NCKAP5L: variants seen among roughly 807,000 people sequenced by gnomAD.
The protein encoded by NCKAP5L is NCK associated protein 5 like, also known as nck-associated protein 5-like.
Under a neutral mutation model 103.2 loss-of-function variants are expected in NCKAP5L, and 54 were observed. The ratio of observed to expected loss-of-function variants is 0.52; its 90% CI spans 0.42 to 0.66. NCKAP5L has a LOEUF of 0.66. Among genes scored for constraint, NCKAP5L ranks in the 30% least tolerant of loss-of-function variants. The pLI, the probability that NCKAP5L is intolerant of heterozygous loss-of-function variation, is 0.00. For synonymous variants in NCKAP5L, 762 were observed against 748.6 expected (o/e 1.02, Z -0.29); for missense variants, 1,733 against 1,750.6 (o/e 0.99, Z 0.18).
Position 49,792,986 on chromosome 12 carries a change from G to A in NCKAP5L, c.3341C>T (p.Ala1114Val), listed in dbSNP as rs1248431021. 3.3e-6 allele frequency: 5 copies of A among 1,533,464 alleles called. No individual in the cohort carries two copies. The highest frequency in any genetic ancestry group is 4.4e-6 in the Non-Finnish European group (5 of 1,147,614). The allele number at this position is 1,533,464 out of a possible 1,614,324, so 95.0% of individuals were successfully genotyped here. The change falls in exon 11 of 13, where the codon GCC becomes GTC. Residue 1114 changes from alanine to valine, a missense_variant and splice_region_variant. Physicochemically the swap from Ala to Val is moderately conservative, Grantham distance 64. Transcript: ENST00000335999. This position sits in a 1 kb window ranked among gnomAD's most constrained non-coding sequence, Gnocchi z 4.5. The stretch of plus-strand genomic sequence containing the variant: ...CAAGGTTCGAGTCAAGGAGCCACAG[G>A]CTGGGGAGGGGAGGGGAGGGCCCGT... ...AEPVPTSHFT[A>V]CGSLTRTLDS...
rs765961789 is a variant in NCKAP5L, at chr12:49,795,335, G to A, written c.2525C>T (p.Pro842Leu). Residue 842 changes from proline to leucine, a missense_variant, in exon 8 of 13, where the codon CCT (proline) becomes CTT (leucine). By Grantham distance (98) the Pro-to-Leu change is moderately conservative. Transcript: ENST00000335999. The part of the protein sequence containing the change: ...APLVTKESPK[P>L]DKGKGPPWAD... Reference sequence around the variant, plus strand: ...CCAGGGAGGGCCCTTCCCTTTGTCAGGCTTGGGGGACTCCTTGGTGACTAG... The same window carrying A: ...CCAGGGAGGGCCCTTCCCTTTGTCAAGCTTGGGGGACTCCTTGGTGACTAG... 1.3e-6 allele frequency: 2 copies of A among 1,537,552 alleles called. No homozygotes were observed. Among genetic ancestry groups the A allele is most frequent in the Non-Finnish European group, 1.7e-6 (2 of 1,147,068 alleles).
chr12:49,818,286 T>C (rs1946322781), intron 1 of NCKAP5L, among the ~76,000 whole-genome samples: 2 of 152,110 alleles, frequency 1.3e-5, no homozygotes, highest in Non-Finnish European at 2.9e-5. Flanking sequence ...GGGGATTACA[T>C]CAAACTAAAA....
intron 8 of NCKAP5L, among the ~76,000 whole-genome samples, 154 bp downstream of exon 8, chr12:49,794,611 C>CCG (rs372434043): frequency 8.3e-6 from 1 of 120,026 alleles, no homozygotes; most frequent in East Asian, 2.3e-4. Flanking sequence ...ACTGACCCCC[C>CCG]CACCAGCTGC....
rs1945983434 is a variant in NCKAP5L at position 49,793,912 on chromosome 12, C to T, written c.3096-16G>A. ...GCCATCCACCCTATGGGCAACAGTGCAGATATAGGTGAGGGTGGTCTTGCC... is the reference window on the plus strand; with the variant it reads ...GCCATCCACCCTATGGGCAACAGTGTAGATATAGGTGAGGGTGGTCTTGCC... On this transcript the variant is annotated splice_polypyrimidine_tract_variant and intron_variant, in intron 8 of 12. Transcript: ENST00000335999. 4 of 1,491,940 alleles carry T rather than the reference C, an allele frequency of 2.7e-6. No individual in the cohort carries two copies. Among genetic ancestry groups the T allele is most frequent in the African/African-American group, 2.8e-5 (2 of 71,576 alleles). The allele number at this position is 1,491,940 out of a possible 1,614,324, so 92.4% of individuals were successfully genotyped here.
In NCKAP5L at chr12:49,792,213, T is replaced by G; in HGVS notation, c.3793-162A>C. 1 of 1,065,730 alleles carries G rather than the reference T, an allele frequency of 9.4e-7. No homozygotes were observed. Among genetic ancestry groups the G allele is most frequent in the Non-Finnish European group, 1.4e-6 (1 of 723,854 alleles). 66.0% of individuals were successfully genotyped at this position (1,065,730 alleles called of 1,614,324 possible). ...AGAGGAAACAGGCTGGAGGTACAAC[T>G]GAGAACAGTCCTACAAGGTTCTGGG... On this transcript the variant is annotated intron_variant, in intron 12 of 12. Transcript: ENST00000335999. This position sits in a 1 kb window ranked among gnomAD's most constrained non-coding sequence, Gnocchi z 4.5.
At chr12:49,803,058 T>A in intron 4 of NCKAP5L, 39 bp downstream of exon 4, 1 of 1,614,178 alleles carries the variant, frequency 6.2e-7, no homozygotes, top group Non-Finnish European at 8.5e-7. Context: ...CAGGAGCAGA[T>A]GAGCCACATC....
At chr12:49,827,802 C>T (rs34974127) in intron 1 of NCKAP5L, among the ~76,000 whole-genome samples, 1 of 152,210 alleles carries the variant, frequency 6.6e-6, no homozygotes, top group African/African-American at 2.4e-5. Context: ...CCCCGCCTTC[C>T]CCAGGCCCTA....
At chr12:49,816,707 G>T (rs1429069490) in intron 1 of NCKAP5L, among the ~76,000 whole-genome samples, 1 of 151,402 alleles carries the variant, frequency 6.6e-6, no homozygotes, top group Non-Finnish European at 1.5e-5. Context: ...TGAGGCAGAA[G>T]AATTGCTTGA....
At chr12:49,813,013 G>A (rs999100913) in intron 1 of NCKAP5L, among the ~76,000 whole-genome samples, 2 of 152,066 alleles carry the variant, frequency 1.3e-5, no homozygotes, top group Non-Finnish European at 2.9e-5. Flanking sequence ...AGTTGTTACT[G>A]TATTATTGTA....
chr12:49,807,634 G>GA (rs778590922), intron 1 of NCKAP5L, among the ~76,000 whole-genome samples: 15 of 151,874 alleles, frequency 9.9e-5, no homozygotes, highest in Non-Finnish European at 1.6e-4. Context: ...TACAGGCCTG[G>GA]AAAAAAAATG....
rs1365164495 is a variant in NCKAP5L, at chr12:49,796,059, G to A, written c.1801C>T (p.Pro601Ser). 5.7e-6 allele frequency: 9 copies of A among 1,578,412 alleles called. No individual in the cohort carries two copies. Among genetic ancestry groups the A allele is most frequent in the Non-Finnish European group, 7.7e-6 (9 of 1,164,982 alleles). The change falls in exon 8 of 13, where the codon CCT (proline) becomes TCT (serine). Residue 601 changes from proline to serine, a missense_variant. Transcript: ENST00000335999. ...VPQAPEVLRS[P>S]GVPPSPCLPE... ...AGGCAAGGACTGGGGGGTACTCCAG[G>A]GCTTCTGAGGACCTCAGGGGCCTGT...
intron 8 of NCKAP5L, among the ~76,000 whole-genome samples, chr12:49,794,326 G>A (rs1041489969): frequency 1.3e-5 from 2 of 152,204 alleles, no homozygotes; most frequent in East Asian, 1.9e-4. Context: ...GGCCCAGACA[G>A]AGCAACCCCA....
At chr12:49,819,815 C>T (rs982391003) in intron 1 of NCKAP5L, among the ~76,000 whole-genome samples, 3 of 152,186 alleles carry the variant, frequency 2.0e-5, no homozygotes, top group South Asian at 2.1e-4. Flanking sequence ...AAGCTGAAAC[C>T]GTTTTTCAGA....
Position 49,796,910 on chromosome 12 carries a change from A to C in NCKAP5L, c.950T>G (p.Leu317Arg). Residue 317 changes from leucine (L) to arginine (R), a missense_variant, in exon 8 of 13, where the codon CTG (leucine) becomes CGG (arginine). Physicochemically the swap from Leu to Arg is moderately radical, Grantham distance 102 (BLOSUM62 -2). Transcript: ENST00000335999. Reference sequence around the variant, plus strand: ...CTGTCTGCGGGCCAGGGCACCGAGCAGGGTGTCGGGGCTGGGTGCCTCATT... The same window carrying C: ...CTGTCTGCGGGCCAGGGCACCGAGCCGGGTGTCGGGGCTGGGTGCCTCATT... ...DPNEAPSPDTLLGALARRQLN... is the reference protein window; with the variant it reads ...DPNEAPSPDTRLGALARRQLN... 6.2e-7 allele frequency: 1 copy of C among 1,609,928 alleles called. No individual in the cohort carries two copies. Among genetic ancestry groups the C allele is most frequent in the Non-Finnish European group, 8.5e-7 (1 of 1,178,572 alleles).
chr12:49,809,264 G>C (rs1255998926), intron 1 of NCKAP5L, among the ~76,000 whole-genome samples: 4 of 152,188 alleles, frequency 2.6e-5, no homozygotes, highest in Admixed American at 1.3e-4. Flanking sequence ...GAAGGGGTCT[G>C]TGGCTCCTAC....
rs766439440 is a variant in NCKAP5L at position 49,796,438 on chromosome 12, C to T, written c.1422G>A (p.Pro474=). Residue 474 remains proline (P), a synonymous_variant, in exon 8 of 13, where the codon CCG becomes CCA. Transcript: ENST00000335999. ...TCCGGGGGAGCTGGGGACTGAGCTGCGGGCCTCCTGGGCTGGGGCTCTTCT... is the reference window on the plus strand; with the variant it reads ...TCCGGGGGAGCTGGGGACTGAGCTGTGGGCCTCCTGGGCTGGGGCTCTTCT... ...TSEKSPSPGG[P]QLSPQLPRNS... 4.5e-6 allele frequency: 7 copies of T among 1,547,166 alleles called. No individual in the cohort carries two copies. Among genetic ancestry groups the T allele is most frequent in the South Asian group, 3.7e-5 (3 of 80,202 alleles).
chr12:49,813,303 C>T (rs1212691225), intron 1 of NCKAP5L, among the ~76,000 whole-genome samples: 3 of 152,166 alleles, frequency 2.0e-5, no homozygotes, highest in Non-Finnish European at 4.4e-5. Context: ...ATACCGTCAC[C>T]ACTTATTATT....
intron 1 of NCKAP5L, among the ~76,000 whole-genome samples, chr12:49,820,409 C>T (rs1474166439): frequency 6.6e-6 from 1 of 151,534 alleles, no homozygotes; most frequent in Non-Finnish European, 1.5e-5. Context: ...CTCCATCTCC[C>T]GGGTTCAAGC....
chr12:49,802,240 C>T (rs1025230387), intron 5 of NCKAP5L: 1 of 334,950 alleles, frequency 3.0e-6, no homozygotes, highest in East Asian at 5.2e-5. Flanking sequence ...TAGAATCGAC[C>T]CCCCGCCTCT....
Sources: gnomAD v4.1 joint callset for allele counts (sites outside exome capture counted in the v4.1 genomes callset) on GRCh38, gnomAD v4.1.1 for gene constraint, Gnocchi (gnomAD v3.1) non-coding constraint, MANE v1.5 for transcripts, NCBI Gene and HGNC (gene_info 2026-07-23, HGNC 2026-07-21) for gene names.